The following EPHB2 variants were observed in gnomAD, a reference collection of about 807,000 sequenced individuals.
The protein encoded by EPHB2 is ephrin type-B receptor 2.
EPHB2 carries 18 observed loss-of-function variants against 96.4 expected under a neutral mutation model. The ratio of observed to expected loss-of-function variants is 0.19; its 90% CI spans 0.13 to 0.28. The LOEUF is 0.28. Ranked by LOEUF, EPHB2 falls within the 10% of genes least tolerant of loss-of-function variation. The pLI, the probability that EPHB2 is intolerant of heterozygous loss-of-function variation, is 1.00. For missense variants in EPHB2, 989 were observed against 1,355.4 expected, an observed-to-expected ratio of 0.73 and a Z score of 4.25; for synonymous variants, 506 against 534.1, an observed-to-expected ratio of 0.95 and a Z score of 0.72.
intron 1 of EPHB2, among the ~76,000 whole-genome samples, chr1:22,770,017 G>T (rs918169621): frequency 2.0e-5 from 3 of 152,102 alleles, no homozygotes; most frequent in Non-Finnish European, 4.4e-5. Flanking sequence ...TAGATAGATG[G>T]GTGAGTGGAA....
At chr1:22,806,134 C>T (rs1181153150) in intron 3 of EPHB2, among the ~76,000 whole-genome samples, 1 of 152,176 alleles carries the variant, frequency 6.6e-6, no homozygotes, top group Non-Finnish European at 1.5e-5. Flanking sequence ...AGACTCCAGC[C>T]AGGTACAAAG....
At chr1:22,788,747 G>GTTTTTTTTT (rs1302258024) in intron 3 of EPHB2, among the ~76,000 whole-genome samples, 3 of 90,692 alleles carry the variant, frequency 3.3e-5, no homozygotes, top group East Asian at 2.7e-4. Flanking sequence ...TTTGTCTTTT[G>GTTTTTTTTT]TTTTTGTTTT....
intron 9 of EPHB2, among the ~76,000 whole-genome samples, chr1:22,897,143 AG>A (rs900194271): frequency 6.6e-6 from 1 of 152,020 alleles, no homozygotes; most frequent in African/African-American, 2.4e-5. Flanking sequence ...ATCCTATATC[AG>A]GCCAGGGCTG....
chr1:22,754,610 G>A (rs1306689762), intron 1 of EPHB2, among the ~76,000 whole-genome samples: 2 of 151,088 alleles, frequency 1.3e-5, no homozygotes, highest in Non-Finnish European at 2.9e-5. Context: ...GCTGGGGCTC[G>A]ATCCCCCAGG....
At chr1:22,884,379 A>G (rs6664696) in intron 6 of EPHB2, among the ~76,000 whole-genome samples, 74,930 of 151,314 alleles carry the variant, frequency 0.5, 18,769 homozygotes, top group Admixed American at 0.54. Context: ...GGTGGCGCAC[A>G]CCTGTAATCC....
At chr1:22,779,015 C>T (rs921115243) in intron 1 of EPHB2, among the ~76,000 whole-genome samples, 3 of 152,194 alleles carry the variant, frequency 2.0e-5, no homozygotes, top group Non-Finnish European at 4.4e-5. Flanking sequence ...CTGCCCGACC[C>T]TCTTCTTGTC....
chr1:22,891,025 C>T (rs149837337), intron 6 of EPHB2: 5 of 453,864 alleles, frequency 1.1e-5, no homozygotes, highest in African/African-American at 2.0e-5. Context: ...ACATGTCCCT[C>T]GGTATGTGCT....
At chr1:22,730,559 A>C (rs963175310) in intron 1 of EPHB2, among the ~76,000 whole-genome samples, 4 of 151,344 alleles carry the variant, frequency 2.6e-5, no homozygotes, top group African/African-American at 7.3e-5. Flanking sequence ...GGCCAGCGAG[A>C]GGAGGGATCA....
rs1490344831 is a variant in EPHB2 at position 22,875,876 on chromosome 1, T to G, written c.1304-6483T>G. ...AGGAGTTGACATTTGAGCTGAGACT[T>G]CAATGAAGAGGAGGATTTGGCCATG... On this transcript the variant is annotated intron_variant, in intron 5 of 15. Transcript: ENST00000374630. This position sits in a 1 kb window ranked among gnomAD's most constrained non-coding sequence, Gnocchi z 4.2. 2.0e-5 allele frequency among the ~76,000 whole-genome samples: 3 copies of G among 151,764 alleles called. No individual in the cohort carries two copies. Among genetic ancestry groups the G allele is most frequent in the Admixed American group, 6.6e-5 (1 of 15,232 alleles).
In EPHB2 at chr1:22,865,203, A is replaced by G. The variant is rs1273060851; in HGVS notation, c.1294A>G (p.Asn432Asp). ...GTTCGCCTCTGTGAACATCACCACCAACCAGGCAGGTAAGTGCTTCCGACG... is the reference window on the plus strand; with the variant it reads ...GTTCGCCTCTGTGAACATCACCACCGACCAGGCAGGTAAGTGCTTCCGACG... ...PQFASVNITT[N>D]QAAPSAVSIM... The change falls in exon 5 of 16, where the codon AAC becomes GAC. Residue 432 changes from asparagine (N) to aspartate (D), a missense_variant. Transcript: ENST00000374630. The G allele has an allele frequency of 6.2e-7, 1 of 1,614,168 alleles. No individual in the cohort carries two copies. The highest frequency in any genetic ancestry group is 1.1e-5 in the South Asian group (1 of 91,080).
rs1640365560 is a variant in EPHB2 at position 22,920,325 on chromosome 1, G to A, written c.*6755G>A. 1 of 152,266 alleles carries A rather than the reference G, an allele frequency of 6.6e-6. No individual in the cohort carries two copies. The highest frequency in any genetic ancestry group is 2.1e-4 in the South Asian group (1 of 4,836). The allele number at this position is 152,266 out of a possible 1,614,324, so 9.4% of individuals were successfully genotyped here. On this transcript the variant is annotated 3_prime_UTR_variant, in exon 16 of 16. Coordinates refer to ENST00000374630, the MANE Select transcript of EPHB2 (RefSeq NM_017449.5). ...CTGGGGTGGAATTTCCCTCCCTGCA[G>A]CAAGGAAGCTGCAGGGCCAGGAATT... is the stretch of plus-strand genomic sequence containing the variant.
intron 3 of EPHB2, among the ~76,000 whole-genome samples, chr1:22,839,287 C>G (rs966534007): frequency 2.0e-5 from 3 of 152,162 alleles, no homozygotes; most frequent in African/African-American, 7.2e-5. Flanking sequence ...GCATACCAAC[C>G]CTAAATCCTA....
intron 1 of EPHB2, among the ~76,000 whole-genome samples, chr1:22,730,394 T>G (rs768403242): frequency 6.6e-6 from 1 of 152,196 alleles, no homozygotes; most frequent in South Asian, 2.1e-4. Flanking sequence ...CCCAAGCTCT[T>G]ACCAGCCATG....
At chr1:22,716,600 A>G (rs529471517) in intron 1 of EPHB2, among the ~76,000 whole-genome samples, 3 of 152,144 alleles carry the variant, frequency 2.0e-5, no homozygotes, top group Admixed American at 2.0e-4. Flanking sequence ...TGACCTCCCA[A>G]AGTGCTGGGA....
Position 22,849,080 on chromosome 1 carries a change from G to A in EPHB2, c.812-13957G>A, listed in dbSNP as rs570025616. Among the ~76,000 whole-genome samples, 5 of 152,208 alleles carry A rather than the reference G, an allele frequency of 3.3e-5. No homozygotes were observed. The South Asian group carries it at 6.2e-4, about 19-fold the overall frequency. On this transcript the variant is annotated intron_variant, in intron 3 of 15. Transcript: ENST00000374630. The stretch of plus-strand genomic sequence containing the variant: ...AGTACTTCTTTCTGTCTGGGATCAC[G>A]GGCAGCTGGGGTTAAGAGCAAATGG...
chr1:22,762,211 C>T (rs115496504), intron 1 of EPHB2, among the ~76,000 whole-genome samples: 2,414 of 152,244 alleles, frequency 0.016, 25 homozygotes, highest in Non-Finnish European at 0.024. Flanking sequence ...CCAGGGGCTG[C>T]TGGGGACCCC....
rs142703174 is a variant in EPHB2, at chr1:22,892,991, C to T, written c.1536C>T (p.Thr512=). The T allele has an allele frequency of 4.0e-4, 646 of 1,614,196 alleles. 1 individual carries two copies. In the African/African-American group the frequency reaches 6.1e-3, roughly 15 times the overall value. Residue 512 remains threonine (T), a synonymous_variant, in exon 7 of 16, where the codon ACC becomes ACT. Transcript: ENST00000374630. ...AIYVFQVRAR[T]VAGYGRYSGK... Reference sequence around the variant, plus strand: ...ATGTCTTCCAGGTGCGGGCACGCACCGTGGCAGGTTACGGGCGCTACAGCG... The same window carrying T: ...ATGTCTTCCAGGTGCGGGCACGCACTGTGGCAGGTTACGGGCGCTACAGCG...
chr1:22,740,688 C>T (rs1006581676), intron 1 of EPHB2, among the ~76,000 whole-genome samples: 1 of 152,200 alleles, frequency 6.6e-6, no homozygotes, highest in African/African-American at 2.4e-5. Context: ...CCTTTCAAAC[C>T]TCCCTGCCTT....
rs953288463 is a variant in EPHB2, at chr1:22,893,016, G to A, written c.1561G>A (p.Gly521Ser). 43 of 1,614,074 alleles carry A rather than the reference G, an allele frequency of 2.7e-5. No individual in the cohort carries two copies. The highest frequency in any genetic ancestry group is 3.1e-5 in the Non-Finnish European group (37 of 1,180,034). ...CGTGGCAGGTTACGGGCGCTACAGCGGCAAGATGTACTTCCAGACCATGAC... is the reference window on the plus strand; with the variant it reads ...CGTGGCAGGTTACGGGCGCTACAGCAGCAAGATGTACTTCCAGACCATGAC... ...RTVAGYGRYS[G>S]KMYFQTMTEA... The change falls in exon 7 of 16, where the codon GGC becomes AGC. Residue 521 changes from glycine to serine, a missense_variant. Coordinates refer to ENST00000374630, the MANE Select transcript of EPHB2 (RefSeq NM_017449.5).
Sources: allele counts gnomAD v4.1 joint callset (sites outside exome capture counted in the v4.1 genomes callset), GRCh38; gene constraint gnomAD v4.1.1; non-coding constraint Gnocchi (gnomAD v3.1); transcripts MANE v1.5; gene names NCBI Gene and HGNC (gene_info 2026-07-23, HGNC 2026-07-21).